The following HPSE2 variants were observed in gnomAD, a reference collection of about 807,000 sequenced individuals.
HPSE2 encodes heparanase 2 (inactive), also known as inactive heparanase-2.
Under a neutral mutation model 60.5 loss-of-function variants are expected in HPSE2, and 38 were observed. The observed-to-expected ratio is 0.63, with a 90% CI of 0.48 to 0.82. HPSE2 has a LOEUF of 0.82. Among genes scored for constraint, HPSE2 ranks in the 40% least tolerant of loss-of-function variants. The probability of loss-of-function intolerance (pLI) is 0.00; values close to 1 mark genes in which losing one functional copy is unlikely to be tolerated. For synonymous variants in HPSE2, 295 were observed against 293.2 expected (o/e 1.01, Z -0.06); for missense variants, 713 against 740.4 (o/e 0.96, Z 0.43).
At chr10:98,962,175 G>A (rs1289123792) in intron 3 of HPSE2, among the ~76,000 whole-genome samples, 1 of 61,220 alleles carries the variant, frequency 1.6e-5, no homozygotes. Context: ...GTCAGGTAGT[G>A]TGATGCCTCC....
At chr10:99,274,700 C>G in the HPSE2 span, among the ~76,000 whole-genome samples, 3 of 152,140 alleles carry the variant, frequency 2.0e-5, no homozygotes, top group African/African-American at 4.8e-5. Flanking sequence ...TCAGAACTTC[C>G]CATTCTGTCT....
chr10:98,608,339 T>C lies in HPSE2; in HGVS notation c.1320+6565A>G, dbSNP rs72831936. On this transcript the variant is annotated intron_variant, in intron 9 of 11. Transcript: ENST00000370552. ...GATTTTAGGTCTAGAGCGCTTTCTGTTTCCCAAGGGGGCTTGCATCGGCGT... is the reference window on the plus strand; with the variant it reads ...GATTTTAGGTCTAGAGCGCTTTCTGCTTCCCAAGGGGGCTTGCATCGGCGT... 7.1e-3 allele frequency among the ~76,000 whole-genome samples: 1,080 copies of C among 152,346 alleles called. 8 individuals carry two copies. The highest frequency in any genetic ancestry group is 0.026 in the South Asian group (127 of 4,830).
intron 9 of HPSE2, among the ~76,000 whole-genome samples, chr10:98,602,566 A>C (rs515217): frequency 0.42 from 63,309 of 151,924 alleles, 15,857 homozygotes; most frequent in Admixed American, 0.55. Context: ...ATTGGCCATA[A>C]TCTCTTGATT....
intron 3 of HPSE2, among the ~76,000 whole-genome samples, chr10:99,112,531 C>T (rs1007878712): frequency 1.3e-5 from 2 of 151,984 alleles, no homozygotes; most frequent in African/African-American, 4.8e-5. Flanking sequence ...CCTCGTGATC[C>T]GTTTGCCTCG....
chr10:99,034,263 G>A (rs1419605661), intron 3 of HPSE2, among the ~76,000 whole-genome samples: 2 of 152,106 alleles, frequency 1.3e-5, no homozygotes, highest in Non-Finnish European at 2.9e-5. Flanking sequence ...ACAAACCTAT[G>A]TATTGTATGA....
chr10:98,474,127 A>G (rs1460971742), intron 11 of HPSE2, among the ~76,000 whole-genome samples: 4 of 152,176 alleles, frequency 2.6e-5, no homozygotes, highest in Non-Finnish European at 4.4e-5. Context: ...TAGAACTAAA[A>G]TACTTAGATG....
chr10:99,116,060 A>G (rs1321672539), intron 3 of HPSE2, among the ~76,000 whole-genome samples: 1 of 152,214 alleles, frequency 6.6e-6, no homozygotes, highest in African/African-American at 2.4e-5. Flanking sequence ...TCTAGTTAGC[A>G]TCATGCCTTA....
At chr10:98,917,775 T>G (rs2135048650) in intron 3 of HPSE2, among the ~76,000 whole-genome samples, 1 of 152,260 alleles carries the variant, frequency 6.6e-6, no homozygotes, top group Admixed American at 6.5e-5. Flanking sequence ...CAAATAAACG[T>G]TTAGTAACAC....
At chr10:99,028,226 T>C (rs1957420910) in intron 3 of HPSE2, among the ~76,000 whole-genome samples, 1 of 152,222 alleles carries the variant, frequency 6.6e-6, no homozygotes, top group African/African-American at 2.4e-5. Context: ...GCAGAGGACA[T>C]GATCTTATAT....
chr10:98,616,354 A>C (rs1358693481), intron 8 of HPSE2, among the ~76,000 whole-genome samples: 1 of 152,156 alleles, frequency 6.6e-6, no homozygotes, highest in Admixed American at 6.5e-5. Flanking sequence ...TTCCTGGCAC[A>C]CCGTAGGTAC....
the HPSE2 span, among the ~76,000 whole-genome samples, chr10:99,275,130 A>T: frequency 1.3e-5 from 2 of 152,236 alleles, no homozygotes; most frequent in African/African-American, 4.8e-5. Flanking sequence ...AGTTCCCCCC[A>T]AATCCAGTAT....
At chr10:98,949,428 GT>G (rs144966091) in intron 3 of HPSE2, among the ~76,000 whole-genome samples, 17,129 of 152,166 alleles carry the variant, frequency 0.11, 1,028 homozygotes, top group South Asian at 0.21. Flanking sequence ...TGGTGGCAAA[GT>G]TGTGTCAGAG....
intron 3 of HPSE2, among the ~76,000 whole-genome samples, chr10:98,804,851 G>A (rs190319049): frequency 7.5e-4 from 114 of 152,202 alleles, no homozygotes; most frequent in Middle Eastern, 3.4e-3. Context: ...TTGCAGCACT[G>A]TTCACAAAAG....
Position 98,662,042 on chromosome 10 carries a change from G to A in HPSE2, c.1005-20102C>T, listed in dbSNP as rs972106873. ...CCTGAGTAGCTGGGACTACAGGCGC[G>A]TGCCACCATGCCCGGCTAATTTTTT... On this transcript the variant is annotated intron_variant, in intron 6 of 11. Transcript: ENST00000370552. Among the ~76,000 whole-genome samples the A allele has an allele frequency of 3.9e-5, 6 of 152,124 alleles. No individual in the cohort carries two copies. In the East Asian group the frequency reaches 5.8e-4, roughly 15 times the overall value.
chr10:98,693,424 C>CT (rs1474800668), intron 6 of HPSE2, among the ~76,000 whole-genome samples: 4 of 151,974 alleles, frequency 2.6e-5, no homozygotes, highest in Admixed American at 1.3e-4. Flanking sequence ...TCTTGATACT[C>CT]TTTTTTTAAA....
Position 99,235,606 on chromosome 10 carries a change from C to T in HPSE2, c.197G>A (p.Ser66Asn). 6.2e-7 allele frequency: 1 copy of T among 1,613,988 alleles called. No homozygotes were observed. Among genetic ancestry groups the T allele is most frequent in the Non-Finnish European group, 8.5e-7 (1 of 1,179,948 alleles). Residue 66 changes from serine (S) to asparagine (N), a missense_variant, in exon 1 of 12, where the codon AGC (serine) becomes AAC (asparagine). Coordinates refer to ENST00000370552, the MANE Select transcript of HPSE2 (RefSeq NM_021828.5). Reference sequence around the variant, plus strand: ...GACTGTCCTGACTGGGTTCTTGGTGCTCACATCAAGTAGAATCAGGGTCTT... The same window carrying T: ...GACTGTCCTGACTGGGTTCTTGGTGTTCACATCAAGTAGAATCAGGGTCTT... ...KEKTLILLDV[S>N]TKNPVRTVNE...
At chr10:98,609,203 C>T (rs914985609) in intron 9 of HPSE2, among the ~76,000 whole-genome samples, 15 of 152,158 alleles carry the variant, frequency 9.9e-5, no homozygotes, top group African/African-American at 3.6e-4. Flanking sequence ...CTTCTGTACT[C>T]CTCTTCTAAT....
At chr10:98,987,432 G>C (rs955627099) in intron 3 of HPSE2, among the ~76,000 whole-genome samples, 1 of 152,140 alleles carries the variant, frequency 6.6e-6, no homozygotes. Flanking sequence ...AAAGGCCTTT[G>C]ACAAAATTCA....
At chr10:98,552,203 T>C (rs775131220) in intron 9 of HPSE2, among the ~76,000 whole-genome samples, 3 of 152,106 alleles carry the variant, frequency 2.0e-5, no homozygotes, top group Non-Finnish European at 4.4e-5. Flanking sequence ...ATGCAGGATA[T>C]TTAAGGGAAA....
Sources: allele counts gnomAD v4.1 joint callset (sites outside exome capture counted in the v4.1 genomes callset), GRCh38; gene constraint gnomAD v4.1.1; transcripts MANE v1.5; gene names NCBI Gene and HGNC (gene_info 2026-07-23, HGNC 2026-07-21).